The following DNAJB1 variants were observed in gnomAD, a reference collection of about 807,000 sequenced individuals.
The protein encoded by DNAJB1 is DnaJ heat shock protein family (Hsp40) member B1, also known as dnaJ homolog subfamily B member 1.
A neutral mutation model predicts 24.0 loss-of-function variants in DNAJB1; 14 were observed. That is an observed-to-expected ratio of 0.58 (90% CI 0.39 to 0.91). The LOEUF (loss-of-function observed/expected upper bound fraction) is 0.91, where lower values mean the gene tolerates loss of function less well. Ranked by LOEUF, DNAJB1 falls within the 40% of genes least tolerant of loss-of-function variation. The pLI, the probability that DNAJB1 is intolerant of heterozygous loss-of-function variation, is 0.00. For synonymous variants in DNAJB1, 262 were observed against 174.4 expected (o/e 1.50, Z -3.96); for missense variants, 517 against 458.1 (o/e 1.13, Z -1.17).
upstream of DNAJB1, among the ~76,000 whole-genome samples, chr19:14,521,210 G>A (rs1014807705): frequency 1.3e-5 from 2 of 152,260 alleles, no homozygotes; most frequent in East Asian, 1.9e-4. Flanking sequence ...TATAATCCCA[G>A]CACTTTGGGA....
chr19:14,543,363 T>A (rs1198945334), intron 1 of DNAJB1, among the ~76,000 whole-genome samples: 1 of 139,424 alleles, frequency 7.2e-6, no homozygotes, highest in Non-Finnish European at 1.5e-5. Context: ...AACAGTGTAT[T>A]GCCTGTATAC....
chr19:14,518,966 C>T (rs1022844559), upstream of DNAJB1, among the ~76,000 whole-genome samples: 2 of 152,216 alleles, frequency 1.3e-5, no homozygotes, highest in African/African-American at 4.8e-5. Context: ...GGCGCGGAGC[C>T]TCATGCCTGT....
At chr19:14,536,627 T>A (rs1229967161) in intron 1 of DNAJB1, 1 of 152,124 alleles carries the variant, frequency 6.6e-6, no homozygotes, top group Non-Finnish European at 1.5e-5. Context: ...CCGGCTGACA[T>A]TGGCTGATGG....
intron 1 of DNAJB1, among the ~76,000 whole-genome samples, chr19:14,549,276 G>A (rs1324540872): frequency 2.0e-5 from 3 of 148,372 alleles, no homozygotes; most frequent in South Asian, 2.2e-4. Context: ...GCAGTGGTGC[G>A]ATCTCAGCTC....
chr19:14,535,564 A>ATATG (rs2072859737), intron 1 of DNAJB1, among the ~76,000 whole-genome samples: 1 of 24,880 alleles, frequency 4.0e-5, no homozygotes, highest in Non-Finnish European at 7.9e-5. Context: ...ATATATATAT[A>ATATG]TATATATATA....
intron 1 of DNAJB1, among the ~76,000 whole-genome samples, chr19:14,558,536 C>A (rs1331605949): frequency 6.6e-6 from 1 of 152,164 alleles, no homozygotes; most frequent in Non-Finnish European, 1.5e-5. Context: ...GAGAATTCCT[C>A]TCAGGCTAGT....
upstream of DNAJB1, among the ~76,000 whole-genome samples, chr19:14,520,245 G>C (rs1357773405): frequency 1.3e-5 from 2 of 152,172 alleles, no homozygotes; most frequent in Non-Finnish European, 2.9e-5. Flanking sequence ...GGGCTCTTCA[G>C]CCATCACCTC....
intron 1 of DNAJB1, among the ~76,000 whole-genome samples, chr19:14,556,109 G>A (rs923284047): frequency 6.6e-6 from 1 of 152,040 alleles, no homozygotes; most frequent in Non-Finnish European, 1.5e-5. Context: ...GGCACAGACC[G>A]CCACATCACC....
intron 1 of DNAJB1, among the ~76,000 whole-genome samples, chr19:14,546,509 C>A (rs1051582697): frequency 6.6e-6 from 1 of 152,088 alleles, no homozygotes; most frequent in Non-Finnish European, 1.5e-5. Context: ...ATTGCTTGAA[C>A]CCGGGAGGCA....
At chr19:14,519,087 G>T (rs1213284075), upstream of DNAJB1, among the ~76,000 whole-genome samples, 1 of 152,210 alleles carries the variant, frequency 6.6e-6, no homozygotes, top group East Asian at 1.9e-4. Context: ...TAACAAACAG[G>T]CCGGGCGCGG....
upstream of DNAJB1, among the ~76,000 whole-genome samples, chr19:14,553,016 T>C (rs34352167): frequency 0.11 from 16,858 of 152,072 alleles, 1,199 homozygotes; most frequent in African/African-American, 0.2. Context: ...GGGTGTAGGC[T>C]GTGGGTACCA....
chr19:14,550,428 C>T (rs2073458642), upstream of DNAJB1, among the ~76,000 whole-genome samples: 1 of 152,088 alleles, frequency 6.6e-6, no homozygotes, highest in Non-Finnish European at 1.5e-5. Flanking sequence ...GGATGAGCTC[C>T]TCCTGCTCCT....
At chr19:14,542,989 CTT>C (rs572624462) in intron 1 of DNAJB1, among the ~76,000 whole-genome samples, 12 of 102,182 alleles carry the variant, frequency 1.2e-4, no homozygotes, top group Admixed American at 1.3e-4. Context: ...CTTCCAAATT[CTT>C]TTTTTTTTTT....
intron 1 of DNAJB1, among the ~76,000 whole-genome samples, chr19:14,547,150 C>CT (rs1366878448): frequency 1.3e-5 from 2 of 151,916 alleles, no homozygotes; most frequent in Admixed American, 1.3e-4. Context: ...TTCATAGCCT[C>CT]TTATTTTTTT....
upstream of DNAJB1, among the ~76,000 whole-genome samples, chr19:14,551,305 C>A (rs972809900): frequency 6.6e-6 from 1 of 151,964 alleles, no homozygotes; most frequent in Non-Finnish European, 1.5e-5. Context: ...GAACTCCTGA[C>A]CTCAGGTGAT....
At chr19:14,519,206 A>G (rs867083651), upstream of DNAJB1, among the ~76,000 whole-genome samples, 4 of 152,226 alleles carry the variant, frequency 2.6e-5, no homozygotes, top group Middle Eastern at 3.4e-3. Context: ...CATCTCTGCT[A>G]AAAATATAAA....
chr19:14,522,445 G>C (rs528276267), upstream of DNAJB1, among the ~76,000 whole-genome samples: 1 of 142,146 alleles, frequency 7.0e-6, no homozygotes, highest in East Asian at 2.0e-4. Context: ...AGATCAGGCC[G>C]CTGCACTCCA....
intron 1 of DNAJB1, chr19:14,517,331 C>CT (rs2072286891): frequency 2.7e-6 from 1 of 374,284 alleles, no homozygotes; most frequent in African/African-American, 2.0e-5. Flanking sequence ...ACCCATCCTC[C>CT]TGGCAACATC....
At chr19:14,534,474 C>T (rs2072792901), upstream of DNAJB1, among the ~76,000 whole-genome samples, 1 of 114,794 alleles carries the variant, frequency 8.7e-6, no homozygotes, top group Non-Finnish European at 1.6e-5. Flanking sequence ...CTCGCTCTGT[C>T]ACCCAGGCTG....
Sources: gnomAD v4.1 joint callset for allele counts (sites outside exome capture counted in the v4.1 genomes callset) on GRCh38, gnomAD v4.1.1 for gene constraint, MANE v1.5 for transcripts, NCBI Gene and HGNC (gene_info 2026-07-23, HGNC 2026-07-21) for gene names.